DNASE1L3: variants seen among roughly 807,000 people sequenced by gnomAD.
DNASE1L3 encodes deoxyribonuclease gamma.
DNASE1L3 carries 27 observed loss-of-function variants against 30.9 expected under a neutral mutation model. The ratio of observed to expected loss-of-function variants is 0.87; its 90% CI spans 0.64 to 1.20. DNASE1L3 has a LOEUF of 1.20. Ranked by LOEUF, DNASE1L3 falls within the 50% of genes most tolerant of loss-of-function variation. The pLI is 0.00. For synonymous variants in DNASE1L3, 135 were observed against 138.0 expected, an observed-to-expected ratio of 0.98 and a Z score of 0.15; for missense variants, 364 against 378.2, an observed-to-expected ratio of 0.96 and a Z score of 0.31.
chr3:58,198,998 A>G (rs1002727442), intron 5 of DNASE1L3, among the ~76,000 whole-genome samples: 6 of 152,174 alleles, frequency 3.9e-5, no homozygotes, highest in Admixed American at 6.5e-5. Context: ...CAGAATTTTC[A>G]ACATTCCACA....
At chr3:58,199,171 T>A (rs752134285) in intron 5 of DNASE1L3, among the ~76,000 whole-genome samples, 4 of 152,236 alleles carry the variant, frequency 2.6e-5, no homozygotes, top group Non-Finnish European at 5.9e-5. Context: ...TTAACCTCAG[T>A]GATCACCAGC....
chr3:58,202,887 C>G (rs143523458), intron 4 of DNASE1L3, among the ~76,000 whole-genome samples: 81 of 152,124 alleles, frequency 5.3e-4, no homozygotes, highest in African/African-American at 1.7e-3. Flanking sequence ...AGTTTATACT[C>G]CTTTGTAATT....
At chr3:58,202,565 A>C (rs1279013517) in intron 4 of DNASE1L3, among the ~76,000 whole-genome samples, 1 of 151,954 alleles carries the variant, frequency 6.6e-6, no homozygotes, top group East Asian at 1.9e-4. Context: ...CTAGTTAAAA[A>C]AAAATTGGCC....
Position 58,200,848 on chromosome 3 carries a change from G to A in DNASE1L3, c.546+149C>T, listed in dbSNP as rs2097400110. ...CAGATTTAGCAAAAGGGATACTTAGGGCTGAAGAAAGGCCTTAAAGAATGC... is the reference window on the plus strand; with the variant it reads ...CAGATTTAGCAAAAGGGATACTTAGAGCTGAAGAAAGGCCTTAAAGAATGC... On this transcript the variant is annotated intron_variant, in intron 5 of 7. Transcript: ENST00000394549. The surrounding 1 kb of genome is among the most constrained non-coding windows in gnomAD (Gnocchi z 4.2). The A allele has an allele frequency of 3.5e-6, 2 of 565,372 alleles. No individual in the cohort carries two copies. Among genetic ancestry groups the A allele is most frequent in the South Asian group, 6.0e-5 (2 of 33,150 alleles). The allele number at this position is 565,372 out of a possible 1,614,324, so 35.0% of individuals were successfully genotyped here.
intron 2 of DNASE1L3, among the ~76,000 whole-genome samples, chr3:58,207,607 T>A (rs889087569): frequency 6.6e-6 from 1 of 152,146 alleles, no homozygotes; most frequent in African/African-American, 2.4e-5. Context: ...TTTTTCAATA[T>A]ATTGTGGCCA....
At chr3:58,202,571 T>C (rs1013440109) in intron 4 of DNASE1L3, among the ~76,000 whole-genome samples, 1 of 151,596 alleles carries the variant, frequency 6.6e-6, no homozygotes, top group African/African-American at 2.4e-5. Context: ...AAAAAAAAAT[T>C]GGCCAGGCGT....
At position 58,208,127 on chromosome 3, in the gene DNASE1L3, G is replaced by A. The variant is rs1047407999; in HGVS notation, c.230+91C>T. On this transcript the variant is annotated intron_variant, in intron 2 of 7. Coordinates refer to ENST00000394549, the MANE Select transcript of DNASE1L3 (RefSeq NM_004944.4). ...GCTGTGTGAACTGGTGGTCAAGTGCGGGATCTCACATTACTTTCAGTTCCC... is the reference window on the plus strand; with the variant it reads ...GCTGTGTGAACTGGTGGTCAAGTGCAGGATCTCACATTACTTTCAGTTCCC... 14 of 1,262,114 alleles carry A rather than the reference G, an allele frequency of 1.1e-5. No homozygotes were observed. In the African/African-American group the frequency reaches 1.3e-4, roughly 12 times the overall value. The allele number at this position is 1,262,114 out of a possible 1,614,324, so 78.2% of individuals were successfully genotyped here. A position where few individuals can be genotyped will look rare whatever the true frequency, so the allele number is the denominator to read the frequency against.
intron 5 of DNASE1L3, among the ~76,000 whole-genome samples, chr3:58,199,480 G>A (rs2097399288): frequency 6.6e-6 from 1 of 152,122 alleles, no homozygotes; most frequent in South Asian, 2.1e-4. Flanking sequence ...GACCAGCCTG[G>A]CCAACATGGT....
intron 3 of DNASE1L3, 70 bp from the exon 4 acceptor site, chr3:58,204,951 T>C (rs773281717): frequency 2.1e-6 from 3 of 1,440,074 alleles, no homozygotes; most frequent in Admixed American, 3.7e-5. Flanking sequence ...GAAGCAGAGA[T>C]GTAGGTTCCC....
chr3:58,198,661 G>C (rs532166637), intron 5 of DNASE1L3, among the ~76,000 whole-genome samples: 1 of 152,258 alleles, frequency 6.6e-6, no homozygotes, highest in East Asian at 1.9e-4. Context: ...GTCAGGTGTG[G>C]ATAAAAAAAA....
chr3:58,203,537 C>T (rs1046850008), intron 4 of DNASE1L3, among the ~76,000 whole-genome samples: 1 of 152,192 alleles, frequency 6.6e-6, no homozygotes, highest in African/African-American at 2.4e-5. Flanking sequence ...GTGGCTTACA[C>T]CTGTAATCCC....
At chr3:58,193,237 C>G in intron 7 of DNASE1L3, 106 bp downstream of exon 7, 2 of 1,472,260 alleles carry the variant, frequency 1.4e-6, no homozygotes, top group African/African-American at 2.8e-5. Flanking sequence ...TCACCATGCC[C>G]AGCTAATTTT....
chr3:58,199,052 G>A (rs2097399029), intron 5 of DNASE1L3, among the ~76,000 whole-genome samples: 1 of 152,140 alleles, frequency 6.6e-6, no homozygotes, highest in South Asian at 2.1e-4. Context: ...CTATTGTTTG[G>A]TGGGGCATTG....
intron 5 of DNASE1L3, among the ~76,000 whole-genome samples, chr3:58,199,687 A>T (rs1575497063): frequency 6.6e-6 from 1 of 151,774 alleles, no homozygotes; most frequent in Non-Finnish European, 1.5e-5. Flanking sequence ...AAAAAGAATC[A>T]CATCCCAGTC....
intron 1 of DNASE1L3, 22 bp from the exon 2 acceptor site, chr3:58,208,328 G>C (rs769627706): frequency 6.2e-7 from 1 of 1,612,870 alleles, no homozygotes; most frequent in South Asian, 1.1e-5. Context: ...AGAATTCCCA[G>C]GGGTTTGAGG....
rs76440799 is a variant in DNASE1L3, at chr3:58,193,415, G to C, written c.729C>G (p.Ile243Met). The C allele has an allele frequency of 3.9e-4, 635 of 1,613,824 alleles. No homozygotes were observed. The highest frequency in any genetic ancestry group is 5.1e-4 in the Non-Finnish European group (602 of 1,179,782). Reference protein sequence around the residue: ...YDRIVLRGQEIVSSVVPKSNS... With the variant: ...YDRIVLRGQEMVSSVVPKSNS... ...TTGACTTGGGAACAACAGAACTGAC[G>C]ATTTCTTGTCCTCTAAGCACAATCC... The change falls in exon 7 of 8, where the codon ATC becomes ATG. Residue 243 changes from isoleucine (I) to methionine (M), a missense_variant. Coordinates refer to ENST00000394549, the MANE Select transcript of DNASE1L3 (RefSeq NM_004944.4).
At chr3:58,202,066 T>C (rs966971143) in intron 4 of DNASE1L3, among the ~76,000 whole-genome samples, 1 of 152,178 alleles carries the variant, frequency 6.6e-6, no homozygotes, top group Non-Finnish European at 1.5e-5. Context: ...TGATGTATTT[T>C]ATCCCTCTTC....
In DNASE1L3 at chr3:58,197,968, A is replaced by T. The variant is rs1298775468; in HGVS notation, c.557T>A (p.Phe186Tyr). The T allele has an allele frequency of 1.2e-6, 2 of 1,610,378 alleles. No individual in the cohort carries two copies. The highest frequency in any genetic ancestry group is 1.7e-6 in the Non-Finnish European group (2 of 1,178,006). Residue 186 changes from phenylalanine to tyrosine, a missense_variant, in exon 6 of 8, where the codon TTC (phenylalanine) becomes TAC (tyrosine). Phe to Tyr is a conservative substitution (Grantham distance 22). Coordinates refer to ENST00000394549, the MANE Select transcript of DNASE1L3 (RefSeq NM_004944.4). This position sits in a 1 kb window ranked among gnomAD's most constrained non-coding sequence, Gnocchi z 5.3. ...GCAGCCGGCATTGAAGTCACCCATGAAAATGAAATTCTAAAAGACAAGATT... is the reference window on the plus strand; with the variant it reads ...GCAGCCGGCATTGAAGTCACCCATGTAAATGAAATTCTAAAAGACAAGATT... The part of the protein sequence containing the change: ...KHRWKAENFI[F>Y]MGDFNAGCSY...
chr3:58,207,483 G>A (rs1443208570), intron 2 of DNASE1L3, among the ~76,000 whole-genome samples: 1 of 136,512 alleles, frequency 7.3e-6, no homozygotes, highest in Non-Finnish European at 1.5e-5. Flanking sequence ...TTAATAGTTT[G>A]GAGAGCATCC....
Sources: allele counts gnomAD v4.1 joint callset (sites outside exome capture counted in the v4.1 genomes callset), GRCh38; gene constraint gnomAD v4.1.1; non-coding constraint Gnocchi (gnomAD v3.1); transcripts MANE v1.5; gene names NCBI Gene and HGNC (gene_info 2026-07-23, HGNC 2026-07-21).